ATXN7L1: variants seen among roughly 807,000 people sequenced by gnomAD.
ATXN7L1 encodes ataxin 7 like 1, also known as ataxin-7-like protein 1.
A neutral mutation model predicts 70.8 loss-of-function variants in ATXN7L1; 15 were observed. That is an observed-to-expected ratio of 0.21 (90% CI 0.14 to 0.33). The LOEUF (loss-of-function observed/expected upper bound fraction) is 0.33, where lower values mean the gene tolerates loss of function less well. Among genes scored for constraint, ATXN7L1 ranks in the 10% least tolerant of loss-of-function variants. The probability of loss-of-function intolerance (pLI) is 1.00; values close to 1 mark genes in which losing one functional copy is unlikely to be tolerated. For synonymous variants in ATXN7L1, 440 were observed against 445.1 expected (o/e 0.99, Z 0.14); for missense variants, 975 against 1,097.1 (o/e 0.89, Z 1.57).
intron 4 of ATXN7L1, among the ~76,000 whole-genome samples, chr7:105,659,114 G>A (rs1420494721): frequency 6.6e-6 from 1 of 152,056 alleles, no homozygotes; most frequent in Non-Finnish European, 1.5e-5. Flanking sequence ...TCCAATCTGG[G>A]TGACACAGCA....
intron 2 of ATXN7L1, among the ~76,000 whole-genome samples, chr7:105,851,869 A>G (rs1324102684): frequency 6.6e-6 from 1 of 152,228 alleles, no homozygotes; most frequent in Non-Finnish European, 1.5e-5. Flanking sequence ...GCACAAGTGA[A>G]GAATCACGAT....
At chr7:105,744,733 TAC>T in intron 3 of ATXN7L1, among the ~76,000 whole-genome samples, 1 of 133,198 alleles carries the variant, frequency 7.5e-6, no homozygotes, top group Non-Finnish European at 1.5e-5. Context: ...ACTCTTTCTT[TAC>T]TTTTTTTTTT....
chr7:105,647,385 C>T (rs191907803), intron 4 of ATXN7L1, among the ~76,000 whole-genome samples: 7 of 152,338 alleles, frequency 4.6e-5, no homozygotes, highest in East Asian at 3.9e-4. Context: ...CGGTGACTCA[C>T]GCCAGTAATC....
At chr7:105,687,072 A>G (rs900052825) in intron 3 of ATXN7L1, among the ~76,000 whole-genome samples, 4 of 152,256 alleles carry the variant, frequency 2.6e-5, no homozygotes, top group Admixed American at 6.5e-5. Context: ...CATAAGCCAT[A>G]TGAAAGCTAA....
intron 2 of ATXN7L1, among the ~76,000 whole-genome samples, chr7:105,796,104 C>T (rs1805951816): frequency 6.6e-6 from 1 of 152,188 alleles, no homozygotes; most frequent in Non-Finnish European, 1.5e-5. Context: ...GTGGCTCACG[C>T]CTGTAATCCC....
intron 3 of ATXN7L1, among the ~76,000 whole-genome samples, chr7:105,784,459 C>T (rs985904373): frequency 1.3e-5 from 2 of 150,772 alleles, no homozygotes; most frequent in Admixed American, 1.3e-4. Context: ...CACACACACA[C>T]TTTTTTCAAT....
intron 7 of ATXN7L1, among the ~76,000 whole-genome samples, chr7:105,632,610 TGAATGAAAATGAG>T (rs937685112): frequency 6.6e-6 from 1 of 152,060 alleles, no homozygotes; most frequent in Non-Finnish European, 1.5e-5. Context: ...CCCAGTATGA[TGAATGAAAATGAG>T]CTACATCAAG....
At position 105,729,313 on chromosome 7, in the gene ATXN7L1, A is replaced by G. The variant is rs867452794; in HGVS notation, c.355+59291T>C. 6.7e-3 allele frequency among the ~76,000 whole-genome samples: 993 copies of G among 148,252 alleles called. 4 individuals carry two copies. The highest frequency in any genetic ancestry group is 1.0e-2 in the Non-Finnish European group (676 of 67,886). On this transcript the variant is annotated intron_variant, in intron 3 of 11. Coordinates refer to ENST00000419735, the MANE Select transcript of ATXN7L1 (RefSeq NM_020725.2). ...TGAATGAATGAATGAATAAATAAAT[A>G]AATAAATAAATAAATAAATAAATGG...
intron 4 of ATXN7L1, among the ~76,000 whole-genome samples, chr7:105,663,293 G>A (rs140185292): frequency 7.0e-4 from 107 of 152,260 alleles, no homozygotes; most frequent in African/African-American, 2.5e-3. Context: ...GCTTGCCCAC[G>A]AGGCCCAGCT....
intron 4 of ATXN7L1, among the ~76,000 whole-genome samples, chr7:105,662,042 C>T (rs994950802): frequency 2.0e-5 from 2 of 101,586 alleles, no homozygotes; most frequent in Non-Finnish European, 4.1e-5. Flanking sequence ...TTCCTTCCTT[C>T]CTTCCTTCCT....
intron 2 of ATXN7L1, among the ~76,000 whole-genome samples, chr7:105,855,818 A>T (rs1347747558): frequency 6.6e-6 from 1 of 152,218 alleles, no homozygotes; most frequent in Non-Finnish European, 1.5e-5. Context: ...ACAACTATTT[A>T]CACAGCATTT....
At chr7:105,627,770 G>T (rs1478855988) in intron 7 of ATXN7L1, among the ~76,000 whole-genome samples, 1 of 147,096 alleles carries the variant, frequency 6.8e-6, no homozygotes, top group Non-Finnish European at 1.5e-5. Context: ...GACCTTAGGT[G>T]ATCTGCCCTC....
chr7:105,638,250 T>TAAA, intron 7 of ATXN7L1, 103 bp downstream of exon 7: 1 of 1,387,644 alleles, frequency 7.2e-7, no homozygotes, highest in Non-Finnish European at 9.6e-7. Context: ...AGTAGTACTA[T>TAAA]TATGATTTCC....
At chr7:105,846,500 C>A (rs933723131) in intron 2 of ATXN7L1, among the ~76,000 whole-genome samples, 1 of 152,066 alleles carries the variant, frequency 6.6e-6, no homozygotes, top group African/African-American at 2.4e-5. Context: ...AAATTAGAAC[C>A]CTCATACATT....
chr7:105,856,254 G>C (rs1196135618), intron 2 of ATXN7L1, among the ~76,000 whole-genome samples: 1 of 152,158 alleles, frequency 6.6e-6, no homozygotes, highest in Non-Finnish European at 1.5e-5. Flanking sequence ...GTCAACCAAA[G>C]CATTTGGTAA....
At position 105,620,248 on chromosome 7, in the gene ATXN7L1, A is replaced by C. The variant is rs1265854381; in HGVS notation, c.1469T>G (p.Phe490Cys). ...VFDRRWDRFR[F>C]ALNSMVEKHL... is the part of the protein sequence containing the mutation. ...TTTTTCTACCATGGAGTTTAGTGCGAATCGAAAACGATCCCATCTTCTATC... is the reference window on the plus strand; with the variant it reads ...TTTTTCTACCATGGAGTTTAGTGCGCATCGAAAACGATCCCATCTTCTATC... The change falls in exon 9 of 12, where the codon TTC becomes TGC. Residue 490 changes from phenylalanine (F) to cysteine (C), a missense_variant. Around this residue, in one of 5 missense-constraint regions of ATXN7L1, gnomAD observed 635 missense variants for 699.4 expected, o/e 0.91. Coordinates refer to ENST00000419735, the MANE Select transcript of ATXN7L1 (RefSeq NM_020725.2). The C allele has an allele frequency of 1.5e-5, 24 of 1,551,594 alleles. No homozygotes were observed. Among genetic ancestry groups the C allele is most frequent in the Non-Finnish European group, 2.1e-5 (24 of 1,146,872 alleles).
At chr7:105,873,958 C>A (rs1818647870) in intron 2 of ATXN7L1, among the ~76,000 whole-genome samples, 1 of 151,958 alleles carries the variant, frequency 6.6e-6, no homozygotes, top group African/African-American at 2.4e-5. Flanking sequence ...AACCCCGTCT[C>A]TACTAAAAAT....
intron 2 of ATXN7L1, among the ~76,000 whole-genome samples, chr7:105,838,293 C>G (rs912932842): frequency 5.3e-5 from 8 of 152,126 alleles, no homozygotes; most frequent in Non-Finnish European, 1.2e-4. Context: ...TGCCAGGAGC[C>G]GAAGACACTC....
intron 10 of ATXN7L1, chr7:105,613,634 G>T: frequency 7.1e-7 from 1 of 1,408,462 alleles, no homozygotes; most frequent in Non-Finnish European, 9.3e-7. Flanking sequence ...ACTCAGTGAG[G>T]TAATAACCGT....
Sources: gnomAD v4.1 joint callset for allele counts (sites outside exome capture counted in the v4.1 genomes callset) on GRCh38, gnomAD v4.1.1 for gene constraint, gnomAD v4.1.1 regional missense constraint, MANE v1.5 for transcripts, NCBI Gene and HGNC (gene_info 2026-07-23, HGNC 2026-07-21) for gene names.